The following SLC44A5 variants were observed in gnomAD, a reference collection of about 807,000 sequenced individuals.
SLC44A5 encodes solute carrier family 44 member 5, also known as choline transporter-like protein 5.
In SLC44A5, 57 loss-of-function variants were observed where a neutral mutation model predicts 101.8. The observed-to-expected ratio is 0.56, with a 90% CI of 0.45 to 0.70. The LOEUF is 0.70. Among genes scored for constraint, SLC44A5 ranks in the 30% least tolerant of loss-of-function variants. The probability of loss-of-function intolerance (pLI) is 0.00; values close to 1 mark genes in which losing one functional copy is unlikely to be tolerated. For missense variants in SLC44A5, 737 were observed against 853.1 expected (o/e 0.86, Z 1.70); for synonymous variants, 281 against 290.9 (o/e 0.97, Z 0.35).
the SLC44A5 span, among the ~76,000 whole-genome samples, chr1:75,700,429 G>C: frequency 6.6e-6 from 1 of 152,072 alleles, no homozygotes; most frequent in Non-Finnish European, 1.5e-5. Context: ...CGAAATGAAG[G>C]CAGAAATAAA....
chr1:75,673,124 T>A, the SLC44A5 span, among the ~76,000 whole-genome samples: 1 of 152,082 alleles, frequency 6.6e-6, no homozygotes, highest in Non-Finnish European at 1.5e-5. Context: ...TCAGCCACAG[T>A]GGGGTAGAGC....
At chr1:75,484,508 T>C (rs1223114431) in intron 2 of SLC44A5, among the ~76,000 whole-genome samples, 1 of 152,212 alleles carries the variant, frequency 6.6e-6, no homozygotes, top group Non-Finnish European at 1.5e-5. Flanking sequence ...GACTCTGCAG[T>C]GTACAGTCCC....
the SLC44A5 span, among the ~76,000 whole-genome samples, chr1:75,630,959 G>A: frequency 2.2e-4 from 19 of 88,062 alleles, no homozygotes; most frequent in Non-Finnish European, 5.0e-4. Flanking sequence ...TATTCTTCAG[G>A]GTCTGAAATT....
Position 75,472,566 on chromosome 1 carries a change from G to A in SLC44A5, c.13+68869C>T, listed in dbSNP as rs149186694. Among the ~76,000 whole-genome samples, 49 of 152,238 alleles carry A rather than the reference G, an allele frequency of 3.2e-4. 1 individual carries two copies. The East Asian group carries it at 7.9e-3, about 25-fold the overall frequency. On this transcript the variant is annotated intron_variant, in intron 2 of 23. Transcript: ENST00000370859. ...TTGCGCTGTGAAGTGAGATATCAGCGCCCCAGGGTGCCTCAAGACCATGTG... is the reference window on the plus strand; with the variant it reads ...TTGCGCTGTGAAGTGAGATATCAGCACCCCAGGGTGCCTCAAGACCATGTG...
At chr1:75,363,958 T>C (rs1382581588) in intron 3 of SLC44A5, among the ~76,000 whole-genome samples, 1 of 152,178 alleles carries the variant, frequency 6.6e-6, no homozygotes, top group African/African-American at 2.4e-5. Context: ...TACTTGGCAG[T>C]TATTTCCCCC....
rs187528128 is a variant in SLC44A5 at position 75,301,487 on chromosome 1, G to A, written c.102-802C>T. ...TTATTTGAAACTTAATGAGGACTCC[G>A]TTAGTAAAGAAAAAGATCAGCTCAT... On this transcript the variant is annotated intron_variant, in intron 4 of 23. Coordinates refer to ENST00000370859, the MANE Select transcript of SLC44A5 (RefSeq NM_001130058.2). Among the ~76,000 whole-genome samples, 168 of 152,242 alleles carry A rather than the reference G, an allele frequency of 1.1e-3. 1 individual carries two copies. Among genetic ancestry groups the A allele is most frequent in the Non-Finnish European group, 1.9e-3 (126 of 67,986 alleles).
At chr1:75,432,174 C>T (rs1452570535) in intron 2 of SLC44A5, among the ~76,000 whole-genome samples, 1 of 152,176 alleles carries the variant, frequency 6.6e-6, no homozygotes, top group Non-Finnish European at 1.5e-5. Flanking sequence ...ATTTCCCAGG[C>T]TGCCTGGTGA....
At chr1:75,587,028 C>T (rs776453441) in intron 1 of SLC44A5, among the ~76,000 whole-genome samples, 1 of 151,842 alleles carries the variant, frequency 6.6e-6, no homozygotes, top group Non-Finnish European at 1.5e-5. Flanking sequence ...GCTGGTGCCC[C>T]CTAGAAGACA....
intron 2 of SLC44A5, among the ~76,000 whole-genome samples, chr1:75,440,030 A>G (rs1358556997): frequency 6.6e-6 from 1 of 152,190 alleles, no homozygotes; most frequent in Non-Finnish European, 1.5e-5. Context: ...AACATTAAGA[A>G]GTACTGAAAA....
chr1:75,350,476 T>C (rs1396406499), intron 3 of SLC44A5, among the ~76,000 whole-genome samples: 1 of 151,342 alleles, frequency 6.6e-6, no homozygotes, highest in African/African-American at 2.4e-5. Flanking sequence ...CAAGCTCAAG[T>C]TTATTTACAA....
At chr1:75,616,977 T>C in the SLC44A5 span, among the ~76,000 whole-genome samples, 6 of 152,146 alleles carry the variant, frequency 3.9e-5, no homozygotes, top group Non-Finnish European at 7.4e-5. Flanking sequence ...AAAGTTCTCA[T>C]GTTCCTGGAG....
chr1:75,577,284 C>A (rs1673423639), intron 1 of SLC44A5, among the ~76,000 whole-genome samples: 1 of 152,214 alleles, frequency 6.6e-6, no homozygotes, highest in South Asian at 2.1e-4. Flanking sequence ...AATGTCTTTT[C>A]TCAAACCATT....
chr1:75,264,277 T>C (rs916691631), intron 6 of SLC44A5, among the ~76,000 whole-genome samples: 8 of 152,308 alleles, frequency 5.3e-5, no homozygotes, highest in South Asian at 2.1e-4. Context: ...CATGTGCTGC[T>C]GCTGGCTGCT....
chr1:75,311,536 C>T (rs779493884), intron 4 of SLC44A5: 62 of 984,316 alleles, frequency 6.3e-5, no homozygotes, highest in Non-Finnish European at 7.2e-5. Context: ...TAACAGGTAC[C>T]AGCTCCTACT....
chr1:75,389,570 G>A (rs1220491451), intron 3 of SLC44A5, among the ~76,000 whole-genome samples: 1 of 151,884 alleles, frequency 6.6e-6, no homozygotes, highest in Non-Finnish European at 1.5e-5. Context: ...ATGACTTTTG[G>A]GTAACCAACA....
chr1:75,524,297 G>A (rs535830142), intron 2 of SLC44A5, among the ~76,000 whole-genome samples: 10 of 152,210 alleles, frequency 6.6e-5, no homozygotes, highest in Admixed American at 4.6e-4. Context: ...CTCCCCAGAC[G>A]TGTCTCCTGT....
intron 7 of SLC44A5, among the ~76,000 whole-genome samples, chr1:75,249,249 G>T (rs144245109): frequency 3.3e-5 from 5 of 151,968 alleles, no homozygotes; most frequent in Non-Finnish European, 7.4e-5. Context: ...TAATCCTAGG[G>T]ACTAGCTTTG....
intron 16 of SLC44A5, 105 bp from the exon 17 acceptor site, chr1:75,218,857 T>C (rs1410020485): frequency 1.9e-6 from 2 of 1,028,004 alleles, no homozygotes; most frequent in African/African-American, 3.3e-5. Flanking sequence ...CTGTTGTTTC[T>C]CTGTTAGCTC....
intron 11 of SLC44A5, 27 bp downstream of exon 11, chr1:75,236,959 GA>G: frequency 7.9e-7 from 1 of 1,258,502 alleles, no homozygotes; most frequent in South Asian, 1.3e-5. Context: ...TGGGGCTGGA[GA>G]AGAAACATCT....
Sources: gnomAD v4.1 joint callset for allele counts (sites outside exome capture counted in the v4.1 genomes callset) on GRCh38, gnomAD v4.1.1 for gene constraint, MANE v1.5 for transcripts, NCBI Gene and HGNC (gene_info 2026-07-23, HGNC 2026-07-21) for gene names.